Variants in ZNF185 observed in about 807,000 individuals in gnomAD.
The protein encoded by ZNF185 is zinc finger protein 185.
Under a neutral mutation model 58.6 loss-of-function variants are expected in ZNF185, and 56 were observed. The ratio of observed to expected loss-of-function variants is 0.95; its 90% CI spans 0.77 to 1.19. ZNF185 has a LOEUF of 1.19. Ranked by LOEUF, ZNF185 falls within the 50% of genes most tolerant of loss-of-function variation. The pLI is 0.00. For missense variants in ZNF185, 627 were observed against 573.5 expected (o/e 1.09, Z -0.95); for synonymous variants, 230 against 215.9 (o/e 1.07, Z -0.57).
At chrX:152,908,809 G>T in the ZNF185 span, among the ~76,000 whole-genome samples, 1 of 113,434 alleles carries the variant, frequency 8.8e-6, no homozygotes, top group East Asian at 2.8e-4. Context: ...GCCCACTCCT[G>T]GCTGACTCTG....
At chrX:152,906,572 G>A in the ZNF185 span, among the ~76,000 whole-genome samples, 1 of 113,001 alleles carries the variant, frequency 8.8e-6, no homozygotes, top group African/African-American at 3.2e-5. Context: ...ACTCTGGGCT[G>A]TGTCCCCCTT....
exon 17 of ZNF185, chrX:152,959,857 G>T (rs1303254437): frequency 8.3e-7 from 1 of 1,209,826 alleles, no homozygotes; most frequent in African/African-American, 1.7e-5. Context: ...AGCCCCAGCG[G>T]ATCTGAGCAA....
upstream of ZNF185, among the ~76,000 whole-genome samples, chrX:152,909,471 G>A (rs1022110987): frequency 8.9e-6 from 1 of 111,993 alleles, no homozygotes; most frequent in Admixed American, 9.4e-5. Context: ...GAGCCAGGGC[G>A]GGATTGCGTG....
chrX:152,943,134 A>T (rs910690255), intron 15 of ZNF185, among the ~76,000 whole-genome samples: 4 of 110,878 alleles, frequency 3.6e-5, no homozygotes, highest in South Asian at 3.8e-4. Flanking sequence ...CCTCCCAAGT[A>T]GCTGGGACTA....
intron 14 of ZNF185, among the ~76,000 whole-genome samples, chrX:152,937,835 A>C (rs1268946444): frequency 8.9e-6 from 1 of 112,288 alleles, no homozygotes; most frequent in Non-Finnish European, 1.9e-5. Flanking sequence ...CAGGGAACCC[A>C]AGTTGGTCAG....
chrX:152,920,644 C>T (rs781941451), intron 8 of ZNF185, 63 bp from the exon 10 acceptor site: 144 of 1,185,038 alleles, frequency 1.2e-4, no homozygotes, highest in South Asian at 1.6e-4. Flanking sequence ...TGAGGTAGAG[C>T]GGTCTTGATG....
intron 15 of ZNF185, chrX:152,941,738 C>G (rs1267803288): frequency 7.7e-6 from 9 of 1,163,621 alleles, no homozygotes; most frequent in Non-Finnish European, 1.0e-5. Context: ...TCGGCCTCGG[C>G]GGGGATTCTC....
At chrX:152,936,302 T>G (rs781853843) in intron 14 of ZNF185, 116 bp from the exon 16 acceptor site, 10 of 565,853 alleles carry the variant, frequency 1.8e-5, no homozygotes, top group Non-Finnish European at 2.8e-5. Flanking sequence ...AAGCATCCAT[T>G]TGAGCAGCTT....
At chrX:152,964,496 C>T (rs1222659701) in intron 18 of ZNF185, among the ~76,000 whole-genome samples, 4 of 111,768 alleles carry the variant, frequency 3.6e-5, no homozygotes, top group Non-Finnish European at 7.5e-5. Context: ...AAGGGGAGGG[C>T]CCGGACTTTG....
At chrX:152,958,740 A>G (rs1556906972) in intron 16 of ZNF185, among the ~76,000 whole-genome samples, 2 of 109,104 alleles carry the variant, frequency 1.8e-5, no homozygotes, top group Non-Finnish European at 3.8e-5. Flanking sequence ...TCAAAAAAAA[A>G]AAAAGGGGGG....
intron 2 of ZNF185, 84 bp downstream of exon 3, chrX:152,914,917 G>C: frequency 5.5e-6 from 6 of 1,097,465 alleles, no homozygotes; most frequent in Non-Finnish European, 7.3e-6. Flanking sequence ...GGATGCGAAG[G>C]GGCTTCCACC....
At chrX:152,929,809 C>T (rs1380252061) in intron 12 of ZNF185, among the ~76,000 whole-genome samples, 3 of 112,303 alleles carry the variant, frequency 2.7e-5, no homozygotes, top group Admixed American at 9.4e-5. Flanking sequence ...CAAAGCCCCT[C>T]CCACTATGCT....
At chrX:152,904,093 A>G in the ZNF185 span, among the ~76,000 whole-genome samples, 5 of 111,655 alleles carry the variant, frequency 4.5e-5, no homozygotes, top group Non-Finnish European at 7.5e-5. Context: ...AGTCTTTTTC[A>G]GCTCTTTTTT....
intron 17 of ZNF185, among the ~76,000 whole-genome samples, chrX:152,961,888 T>G (rs1296501400): frequency 8.9e-6 from 1 of 111,849 alleles, no homozygotes; most frequent in Non-Finnish European, 1.9e-5. Flanking sequence ...TAACCGAGAT[T>G]AGAATCCAGA....
intron 15 of ZNF185, among the ~76,000 whole-genome samples, chrX:152,939,776 G>GTTT (rs57118182): frequency 0.038 from 1,892 of 49,222 alleles, 18 homozygotes; most frequent in East Asian, 0.049. Context: ...AATCAGAGGT[G>GTTT]TTTTTTTTTT....
At chrX:152,898,914 G>A in the ZNF185 span, among the ~76,000 whole-genome samples, 18 of 112,510 alleles carry the variant, frequency 1.6e-4, no homozygotes, top group African/African-American at 4.8e-4. Context: ...CAAAAAGGCC[G>A]AAAGCTCAGG....
exon 7 of ZNF185, chrX:152,919,049 G>A (rs781928907): frequency 8.3e-6 from 10 of 1,209,890 alleles, no homozygotes; most frequent in Non-Finnish European, 1.1e-5. Context: ...AGGAGGAGGT[G>A]GTGCCATTCT....
chrX:152,948,696 T>C (rs2076398087), intron 16 of ZNF185, among the ~76,000 whole-genome samples: 1 of 112,237 alleles, frequency 8.9e-6, no homozygotes, highest in African/African-American at 3.2e-5. Flanking sequence ...GATGATGTGA[T>C]GTGTCCTGTG....
In ZNF185 at chrX:152,965,507, A is replaced by G; in HGVS notation, c.1779A>G (p.Pro593=). 8.4e-7 allele frequency: 1 copy of G among 1,187,933 alleles called. No individual in the cohort carries two copies. The highest frequency in any genetic ancestry group is 1.7e-5 in the African/African-American group (1 of 57,374). Residue 593 remains proline, a synonymous_variant, in exon 19 of 23, where the codon CCA becomes CCG. Coordinates refer to ENST00000449285, the Ensembl canonical transcript of ZNF185. ...CTAGTGAAGTGTCTTCTGGGAAGCC[A>G]GTATCTGCACGCTATAGCAAGTAAG...
Sources: allele counts gnomAD v4.1 joint callset (sites outside exome capture counted in the v4.1 genomes callset), GRCh38; gene constraint gnomAD v4.1.1; transcripts MANE v1.5; gene names NCBI Gene and HGNC (gene_info 2026-07-23, HGNC 2026-07-21).